The following SLC39A10 variants were observed in gnomAD, a reference collection of about 807,000 sequenced individuals.
The protein encoded by SLC39A10 is solute carrier family 39 member 10.
SLC39A10 carries 13 observed loss-of-function variants against 65.1 expected under a neutral mutation model. The observed-to-expected ratio is 0.20, with a 90% confidence interval of 0.13 to 0.32. The LOEUF is 0.32. SLC39A10 is among the 10% of genes least tolerant of loss of function. The pLI is 1.00. For missense variants in SLC39A10, 831 were observed against 1,018.4 expected, an observed-to-expected ratio of 0.82 and a Z score of 2.50; for synonymous variants, 321 against 342.2, an observed-to-expected ratio of 0.94 and a Z score of 0.68.
intron 2 of SLC39A10, among the ~76,000 whole-genome samples, chr2:195,638,619 C>T (rs1416813033): frequency 1.3e-5 from 2 of 152,164 alleles, no homozygotes; most frequent in Non-Finnish European, 2.9e-5. Flanking sequence ...GCTGGGATTA[C>T]AGGCATGAGC....
intron 3 of SLC39A10, among the ~76,000 whole-genome samples, chr2:195,692,851 A>G (rs1331162722): frequency 1.3e-5 from 2 of 152,094 alleles, no homozygotes; most frequent in Non-Finnish European, 2.9e-5. Context: ...TCTGGCTAGG[A>G]CTTCCAGTAC....
At chr2:195,651,122 G>T (rs1016091030) in intron 2 of SLC39A10, among the ~76,000 whole-genome samples, 3 of 151,208 alleles carry the variant, frequency 2.0e-5, no homozygotes, top group Admixed American at 6.6e-5. Context: ...GGGGAGCTGT[G>T]CTCCTCTAGT....
intron 2 of SLC39A10, 75 bp downstream of exon 2, chr2:195,681,125 G>T (rs1324597920): frequency 6.5e-6 from 9 of 1,384,752 alleles, no homozygotes; most frequent in South Asian, 2.8e-5. Context: ...AACAGGATAA[G>T]TAACAGTGGA....
Position 195,700,806 on chromosome 2 carries a change from T to TA in SLC39A10, c.1217-5809dup, listed in dbSNP as rs567466232. Among the ~76,000 whole-genome samples, 550 of 152,336 alleles carry TA rather than the reference T, an allele frequency of 3.6e-3. 5 individuals carry two copies. The highest frequency in any genetic ancestry group is 0.012 in the African/African-American group (517 of 41,580). On this transcript the variant is annotated intron_variant, in intron 3 of 9. Transcript: ENST00000359634. ...GCTTGTAATCTTATTGAGAGCTTCT[T>TA]ATATGTGATGAGTTGCTTCTCTTGC...
At chr2:195,616,297 G>GGATTGATT (rs111926219) in intron 2 of SLC39A10, among the ~76,000 whole-genome samples, 14 of 150,888 alleles carry the variant, frequency 9.3e-5, no homozygotes, top group South Asian at 4.2e-4. Flanking sequence ...ATTTCAATTT[G>GGATTGATT]GATTGATTGA....
intron 2 of SLC39A10, among the ~76,000 whole-genome samples, chr2:195,629,392 CAAAAA>C (rs60548307): frequency 1.3e-5 from 1 of 79,758 alleles, no homozygotes; most frequent in African/African-American, 4.4e-5. Context: ...AGATTCCTTT[CAAAAA>C]AAAAAAAAAA....
intron 3 of SLC39A10, among the ~76,000 whole-genome samples, chr2:195,693,482 G>A (rs1415425986): frequency 2.0e-5 from 3 of 151,546 alleles, no homozygotes; most frequent in East Asian, 1.9e-4. Flanking sequence ...TTTCAATCTC[G>A]CTGCTTGTTA....
intron 6 of SLC39A10, 44 bp from the exon 7 acceptor site, chr2:195,716,593 T>C: frequency 3.3e-6 from 5 of 1,520,418 alleles, no homozygotes; most frequent in Non-Finnish European, 4.4e-6. Context: ...CAAATATCCA[T>C]GCATTTAATT....
chr2:195,735,156 G>A lies in SLC39A10; in HGVS notation c.*115G>A, dbSNP rs966609782. ...AGTCAGTGGCTTGCACTACTTACAAGTTTCATAGATTTGAGCCTAACCACA... is the reference window on the plus strand; with the variant it reads ...AGTCAGTGGCTTGCACTACTTACAAATTTCATAGATTTGAGCCTAACCACA... On this transcript the variant is annotated 3_prime_UTR_variant, in exon 10 of 10. Coordinates refer to ENST00000359634, the MANE Select transcript of SLC39A10 (RefSeq NM_020342.3). 27 of 1,123,960 alleles carry A rather than the reference G, an allele frequency of 2.4e-5. No individual in the cohort carries two copies. The Admixed American group carries it at 7.7e-4, about 32-fold the overall frequency. The allele number at this position is 1,123,960 out of a possible 1,614,324, so 69.6% of individuals were successfully genotyped here.
intron 2 of SLC39A10, among the ~76,000 whole-genome samples, chr2:195,681,735 T>C (rs1205986478): frequency 6.6e-6 from 1 of 152,200 alleles, no homozygotes; most frequent in African/African-American, 2.4e-5. Context: ...CTTACTGTTA[T>C]TATTGTTAGC....
chr2:195,723,824 C>T (rs1337411082), intron 8 of SLC39A10, among the ~76,000 whole-genome samples: 1 of 151,830 alleles, frequency 6.6e-6, no homozygotes, highest in Non-Finnish European at 1.5e-5. Context: ...TGTAGTATAC[C>T]AGGGTGACCA....
upstream of SLC39A10, among the ~76,000 whole-genome samples, chr2:195,656,168 T>C (rs3738942): frequency 0.6 from 91,491 of 152,038 alleles, 28,338 homozygotes; most frequent in Non-Finnish European, 0.69. Flanking sequence ...CTGTGTTAAG[T>C]AGATTCTGGT....
intron 2 of SLC39A10, among the ~76,000 whole-genome samples, chr2:195,646,663 G>A (rs986628508): frequency 3.8e-5 from 5 of 131,324 alleles, no homozygotes; most frequent in East Asian, 5.2e-4. Context: ...CGGTAAGGCC[G>A]GTAGGGCCTT....
intron 2 of SLC39A10, among the ~76,000 whole-genome samples, chr2:195,615,986 T>C (rs1688198894): frequency 6.6e-6 from 1 of 152,192 alleles, no homozygotes. Flanking sequence ...CCTAGCAGTT[T>C]CCCGGTTCGC....
chr2:195,680,998 A>G lies in SLC39A10; in HGVS notation c.956A>G (p.Asn319Ser). Residue 319 changes from asparagine (N) to serine (S), a missense_variant, in exon 2 of 10, where the codon AAT becomes AGT. This residue lies in a region of SLC39A10 where 446 missense variants were observed against 499.2 expected (regional missense o/e 0.89). Coordinates refer to ENST00000359634, the MANE Select transcript of SLC39A10 (RefSeq NM_020342.3). ...RKREAPHVKNNAIISLRKDLN... is the reference protein window; with the variant it reads ...RKREAPHVKNSAIISLRKDLN... ...AGAGAAGCACCACATGTTAAAAATA[A>G]TGCAATAATTTCTTTGAGAAAAGAT... 1 of 1,613,372 alleles carries G rather than the reference A, an allele frequency of 6.2e-7. No individual in the cohort carries two copies. Among genetic ancestry groups the G allele is most frequent in the Non-Finnish European group, 8.5e-7 (1 of 1,179,634 alleles).
Position 195,728,434 on chromosome 2 carries a change from A to T in SLC39A10, c.2337+85A>T. 7.9e-7 allele frequency: 1 copy of T among 1,262,006 alleles called. No individual in the cohort carries two copies. 78.2% of individuals were successfully genotyped at this position (1,262,006 alleles called of 1,614,324 possible). ...GTGGTTTGAAGCCAAACTATTTTTG[A>T]AAATATAACTCATTTTAAAGACATA... is the stretch of plus-strand genomic sequence containing the variant. On this transcript the variant is annotated intron_variant, in intron 9 of 9. Transcript: ENST00000359634. This position sits in a 1 kb window ranked among gnomAD's most constrained non-coding sequence, Gnocchi z 4.4.
chr2:195,640,995 T>C (rs1427123841), intron 2 of SLC39A10, among the ~76,000 whole-genome samples: 2 of 152,228 alleles, frequency 1.3e-5, no homozygotes, highest in Non-Finnish European at 2.9e-5. Flanking sequence ...ATTCAGTCAG[T>C]ACCCACTTTG....
chr2:195,650,561 T>C (rs2105713061), intron 2 of SLC39A10, among the ~76,000 whole-genome samples: 1 of 152,204 alleles, frequency 6.6e-6, no homozygotes, highest in Non-Finnish European at 1.5e-5. Context: ...TTATTTGTAT[T>C]GCCATGGCAA....
At chr2:195,661,423 G>A (rs1689394236) in intron 1 of SLC39A10, among the ~76,000 whole-genome samples, 1 of 152,084 alleles carries the variant, frequency 6.6e-6, no homozygotes, top group Non-Finnish European at 1.5e-5. Context: ...TATTTATATA[G>A]AGACAAGGAT....
Sources: gnomAD v4.1 joint callset for allele counts (sites outside exome capture counted in the v4.1 genomes callset) on GRCh38, gnomAD v4.1.1 for gene constraint, gnomAD v4.1.1 regional missense constraint, Gnocchi (gnomAD v3.1) non-coding constraint, MANE v1.5 for transcripts, NCBI Gene and HGNC (gene_info 2026-07-23, HGNC 2026-07-21) for gene names.